The following CWC22 variants were observed in gnomAD, a reference collection of about 807,000 sequenced individuals.
CWC22 encodes CWC22 spliceosome associated protein.
In CWC22, 53 loss-of-function variants were observed where a neutral mutation model predicts 117.2. That is an observed-to-expected ratio of 0.45 (90% confidence interval 0.36 to 0.57). CWC22 has a LOEUF of 0.57. CWC22 is among the 20% of genes least tolerant of loss of function. CWC22 has a pLI of 0.00. For missense variants in CWC22, 980 were observed against 1,068.8 expected (o/e 0.92, Z 1.16); for synonymous variants, 360 against 355.6 (o/e 1.01, Z -0.14).
At chr2:179,965,588 A>G (rs1686868681) in intron 12 of CWC22, among the ~76,000 whole-genome samples, 1 of 152,232 alleles carries the variant, frequency 6.6e-6, no homozygotes, top group Admixed American at 6.5e-5. Flanking sequence ...CAAAGGCATA[A>G]TATACTAAAT....
chr2:179,994,710 G>C (rs544545847), intron 1 of CWC22, among the ~76,000 whole-genome samples: 103 of 152,334 alleles, frequency 6.8e-4, no homozygotes, highest in African/African-American at 2.5e-3. Flanking sequence ...GAGGCTTACA[G>C]TTAAAGAGAC....
chr2:179,959,681 A>G (rs537361562), intron 13 of CWC22, among the ~76,000 whole-genome samples: 25 of 152,198 alleles, frequency 1.6e-4, no homozygotes, highest in African/African-American at 5.8e-4. Context: ...ATGTTACTGT[A>G]CTTCTGAATA....
At chr2:179,955,903 GA>G (rs1430682828) in intron 14 of CWC22, among the ~76,000 whole-genome samples, 1 of 151,762 alleles carries the variant, frequency 6.6e-6, no homozygotes, top group South Asian at 2.1e-4. Flanking sequence ...GAGACAAAAT[GA>G]AAAAAGGTGT....
intron 19 of CWC22, among the ~76,000 whole-genome samples, chr2:179,947,621 TAAC>T (rs1686342491): frequency 6.6e-6 from 1 of 152,164 alleles, no homozygotes; most frequent in Admixed American, 6.5e-5. Flanking sequence ...TACCATGAAA[TAAC>T]AAATTCTGTA....
intron 16 of CWC22, among the ~76,000 whole-genome samples, 164 bp from the exon 17 acceptor site, chr2:179,952,762 A>G (rs1686485528): frequency 6.6e-6 from 1 of 152,122 alleles, no homozygotes; most frequent in Non-Finnish European, 1.5e-5. Context: ...TAAAGTTTAA[A>G]ACTACTTCTC....
At chr2:180,000,671 T>A (rs1687824574) in intron 1 of CWC22, among the ~76,000 whole-genome samples, 1 of 152,222 alleles carries the variant, frequency 6.6e-6, no homozygotes, top group African/African-American at 2.4e-5. Flanking sequence ...CAGGTTCAAG[T>A]ACAGGGCTAG....
intron 8 of CWC22, among the ~76,000 whole-genome samples, chr2:179,972,392 T>C (rs566042012): frequency 6.6e-6 from 1 of 152,116 alleles, no homozygotes; most frequent in Non-Finnish European, 1.5e-5. Context: ...ACAAACTGAA[T>C]AACAGCATGA....
At chr2:179,946,469 G>C (rs1353135849) in intron 19 of CWC22, among the ~76,000 whole-genome samples, 4 of 132,848 alleles carry the variant, frequency 3.0e-5, no homozygotes, top group Admixed American at 7.8e-5. Flanking sequence ...AAAAAAGGGG[G>C]GGGGGGAAGG....
intron 16 of CWC22, among the ~76,000 whole-genome samples, chr2:179,953,139 C>G (rs1686495925): frequency 1.3e-5 from 2 of 151,748 alleles, no homozygotes; most frequent in African/African-American, 4.8e-5. Context: ...GTTTGGGGGG[C>G]CCATTAGTTG....
intron 1 of CWC22, among the ~76,000 whole-genome samples, chr2:180,000,918 T>C (rs1687831221): frequency 6.6e-6 from 1 of 152,218 alleles, no homozygotes; most frequent in African/African-American, 2.4e-5. Context: ...CCCATTCATT[T>C]CCTGTATCAT....
rs6708528 is a variant in CWC22 at position 180,002,847 on chromosome 2, A to G, written c.-114+4020T>C. Among the ~76,000 whole-genome samples, 602 of 152,342 alleles carry G rather than the reference A, an allele frequency of 4.0e-3. 4 individuals are homozygous for G. The highest frequency in any genetic ancestry group is 0.014 in the African/African-American group (583 of 41,576). Reference sequence around the variant, plus strand: ...AGAATTTGGGGATTCCAAGGTGTACATGAAAAACTGAACATGAATAAGATG... The same window carrying G: ...AGAATTTGGGGATTCCAAGGTGTACGTGAAAAACTGAACATGAATAAGATG... On this transcript the variant is annotated intron_variant, in intron 1 of 19. Transcript: ENST00000410053.
chr2:179,946,505 A>G (rs1365995163), intron 19 of CWC22, among the ~76,000 whole-genome samples: 1 of 150,576 alleles, frequency 6.6e-6, no homozygotes, highest in Non-Finnish European at 1.5e-5. Context: ...AGGGGAATAT[A>G]TAATATCTCA....
At chr2:179,996,067 A>G (rs1176522832) in intron 1 of CWC22, among the ~76,000 whole-genome samples, 1 of 152,240 alleles carries the variant, frequency 6.6e-6, no homozygotes, top group African/African-American at 2.4e-5. Flanking sequence ...TCAAGAGACT[A>G]GAGTTTGCAA....
rs2105527360 is a variant in CWC22 at position 179,970,404 on chromosome 2, TA to T, written c.1210+96del. 3 of 1,181,970 alleles carry T rather than the reference TA, an allele frequency of 2.5e-6. No homozygotes were observed. The East Asian group carries it at 7.9e-5, about 31-fold the overall frequency. The allele number at this position is 1,181,970 out of a possible 1,614,324, so 73.2% of individuals were successfully genotyped here. ...TAACTTTATAAGAGCAGCGATTCAT[TA>T]GGTGGGGATCTCTAAATATTTGCTA... is the stretch of plus-strand genomic sequence containing the variant. On this transcript the variant is annotated intron_variant, in intron 11 of 19. Transcript: ENST00000410053.
chr2:179,997,290 G>A (rs1256896394), intron 1 of CWC22, among the ~76,000 whole-genome samples: 1 of 151,068 alleles, frequency 6.6e-6, no homozygotes, highest in African/African-American at 2.4e-5. Flanking sequence ...AAAAGTTAAG[G>A]ATATATATAT....
chr2:179,987,250 T>C (rs1687441661), intron 3 of CWC22, among the ~76,000 whole-genome samples: 1 of 152,210 alleles, frequency 6.6e-6, no homozygotes, highest in Non-Finnish European at 1.5e-5. Flanking sequence ...CATCAGCTGT[T>C]AATCTTGAAA....
chr2:179,967,837 T>G (rs558081162), intron 11 of CWC22, among the ~76,000 whole-genome samples: 3 of 152,298 alleles, frequency 2.0e-5, no homozygotes, highest in African/African-American at 4.8e-5. Flanking sequence ...TCATTTTTAC[T>G]TGAAAAAAAT....
intron 14 of CWC22, 29 bp from the exon 15 acceptor site, chr2:179,955,063 T>C (rs369488955): frequency 2.8e-6 from 4 of 1,420,950 alleles, no homozygotes; most frequent in African/African-American, 2.8e-5. Context: ...ACATTAATGA[T>C]TCAAAACACA....
intron 14 of CWC22, among the ~76,000 whole-genome samples, chr2:179,958,390 G>A (rs1326491529): frequency 6.7e-6 from 1 of 148,586 alleles, no homozygotes; most frequent in Non-Finnish European, 1.5e-5. Context: ...TATCCAACTA[G>A]AGCAATGTAA....
Sources: allele counts gnomAD v4.1 joint callset (sites outside exome capture counted in the v4.1 genomes callset), GRCh38; gene constraint gnomAD v4.1.1; transcripts MANE v1.5; gene names NCBI Gene and HGNC (gene_info 2026-07-23, HGNC 2026-07-21).